The following RASA3 variants were observed in gnomAD, a reference collection of about 807,000 sequenced individuals.
RASA3 encodes RAS p21 protein activator 3.
In RASA3, 73 loss-of-function variants were observed where a neutral mutation model predicts 110.0. The ratio of observed to expected loss-of-function variants is 0.66; its 90% confidence interval spans 0.55 to 0.81. The LOEUF (loss-of-function observed/expected upper bound fraction) is 0.81. RASA3 is among the 30% of genes least tolerant of loss of function. RASA3 has a pLI of 0.00. For missense variants in RASA3, 976 were observed against 1,113.2 expected, an observed-to-expected ratio of 0.88 and a Z score of 1.75; for synonymous variants, 500 against 451.4, an observed-to-expected ratio of 1.11 and a Z score of -1.37.
chr13:114,048,038 G>C lies in RASA3; in HGVS notation c.277+4014C>G, dbSNP rs563215405. Among the ~76,000 whole-genome samples, 3 of 152,222 alleles carry C rather than the reference G, an allele frequency of 2.0e-5. No homozygotes were observed. Among genetic ancestry groups the C allele is most frequent in the Non-Finnish European group, 4.4e-5 (3 of 68,038 alleles). ...TACACAAAGAACGGAGGTCTCGGCC[G>C]GGCGCGGTGGCTCACGCCTGTAATC... On this transcript the variant is annotated intron_variant, in intron 3 of 23. Transcript: ENST00000334062. This position sits in a 1 kb window ranked among gnomAD's most constrained non-coding sequence, Gnocchi z 4.3.
intron 7 of RASA3, among the ~76,000 whole-genome samples, 188 bp downstream of exon 7, chr13:114,027,201 G>A (rs2054041395): frequency 6.6e-6 from 1 of 151,740 alleles, no homozygotes. Context: ...CTCTCCGGAA[G>A]GAACCCAGGG....
chr13:114,077,101 G>C (rs2079697315), intron 1 of RASA3, among the ~76,000 whole-genome samples: 1 of 152,182 alleles, frequency 6.6e-6, no homozygotes, highest in African/African-American at 2.4e-5. Flanking sequence ...TGGTGTTTGT[G>C]GATAATACGG....
intron 1 of RASA3, among the ~76,000 whole-genome samples, chr13:114,098,184 C>T (rs1281395168): frequency 9.9e-5 from 15 of 152,118 alleles, no homozygotes; most frequent in East Asian, 1.9e-4. Context: ...AGGGCTACAG[C>T]GGGCAGCCTG....
chr13:114,118,121 C>T (rs1176987647), intron 1 of RASA3, among the ~76,000 whole-genome samples: 1 of 152,116 alleles, frequency 6.6e-6, no homozygotes, highest in Non-Finnish European at 1.5e-5. Flanking sequence ...CATTATGAGT[C>T]TCATAAATAC....
chr13:114,024,312 A>G lies in RASA3; in HGVS notation c.647T>C (p.Phe216Ser). ...GAGCTTGTCCACGTCTTCCTCCTCA[A>G]AGTCAAAGTGGGACTTCTTGCTGTA... ...CSYSKKSHFD[F>S]EEEDVDKLEI... The change falls in exon 8 of 24, where the codon TTT becomes TCT. Residue 216 changes from phenylalanine to serine, a missense_variant. Phe to Ser is a radical substitution (Grantham distance 155). Around this residue, in one of 4 missense-constraint regions of RASA3, gnomAD observed 732 missense variants for 779.7 expected, o/e 0.94. Coordinates refer to ENST00000334062, the MANE Select transcript of RASA3 (RefSeq NM_007368.4). 1.2e-6 allele frequency: 2 copies of G among 1,613,848 alleles called. No individual in the cohort carries two copies. The highest frequency in any genetic ancestry group is 8.5e-7 in the Non-Finnish European group (1 of 1,179,902).
intron 15 of RASA3, among the ~76,000 whole-genome samples, chr13:114,012,683 C>T (rs550749648): frequency 2.6e-4 from 38 of 145,164 alleles, no homozygotes; most frequent in African/African-American, 5.6e-4. Context: ...ACACTGTCCA[C>T]GCACTCCACA....
At chr13:114,068,611 C>T (rs554412952) in intron 2 of RASA3, among the ~76,000 whole-genome samples, 83 of 152,300 alleles carry the variant, frequency 5.4e-4, no homozygotes, top group East Asian at 1.9e-3. Flanking sequence ...TCGTGGGTGC[C>T]GGCCCAGGGG....
In RASA3 at chr13:114,018,189, C is replaced by T. The variant is rs1036576299; in HGVS notation, c.1006G>A (p.Val336Ile). ...TGTAGGAAGAGCCGCACCAGCGGGA[C>T]GGCCGCCTCCTGCTTCTCCCGGCAA... ...EVCREKQEAA[V>I]PLVRLFLHYG... The change falls in exon 11 of 24, where the codon GTC (valine) becomes ATC (isoleucine). Residue 336 changes from valine to isoleucine, a missense_variant. Val to Ile is a conservative substitution (Grantham distance 29, BLOSUM62 3). Coordinates refer to ENST00000334062, the MANE Select transcript of RASA3 (RefSeq NM_007368.4). 33 of 1,552,346 alleles carry T rather than the reference C, an allele frequency of 2.1e-5. No individual in the cohort carries two copies. The African/African-American group carries it at 2.9e-4, about 14-fold the overall frequency.
Position 114,043,318 on chromosome 13 carries a change from C to T in RASA3, c.278-2224G>A, listed in dbSNP as rs557551098. ...GAGAGACGGAATCAGGACAGTTTGC[C>T]TCCAGTGCTGCTGACACCTGCCATG... On this transcript the variant is annotated intron_variant, in intron 3 of 23. Coordinates refer to ENST00000334062, the MANE Select transcript of RASA3 (RefSeq NM_007368.4). 2.0e-5 allele frequency among the ~76,000 whole-genome samples: 3 copies of T among 152,304 alleles called. No individual in the cohort carries two copies. The East Asian group carries it at 5.8e-4, about 29-fold the overall frequency.
chr13:113,995,659 C>G (rs2053217844), intron 21 of RASA3, among the ~76,000 whole-genome samples: 1 of 124,668 alleles, frequency 8.0e-6, no homozygotes, highest in African/African-American at 3.3e-5. Context: ...GGGGGCCCAG[C>G]TGACGGAGGA....
At position 114,077,965 on chromosome 13, in the gene RASA3, T is replaced by C. The variant is rs547451655; in HGVS notation, c.56-4128A>G. 1.2e-5 allele frequency: 12 copies of C among 982,688 alleles called. No homozygotes were observed. In the East Asian group the frequency reaches 1.3e-3, roughly 103 times the overall value. The allele number at this position is 982,688 out of a possible 1,614,324, so 60.9% of individuals were successfully genotyped here. A position where few individuals can be genotyped will look rare whatever the true frequency, so the allele number is the denominator to read the frequency against. ...TCACCTCCAAGGCACTGGTTTTGTT[T>C]CCAACTGTTAATAAAGCATTGAAAC... On this transcript the variant is annotated intron_variant, in intron 1 of 23. Transcript: ENST00000334062.
intron 4 of RASA3, among the ~76,000 whole-genome samples, chr13:114,037,713 C>T (rs1446527360): frequency 5.3e-5 from 8 of 152,186 alleles, no homozygotes; most frequent in Non-Finnish European, 8.8e-5. Flanking sequence ...GAAAAAATAG[C>T]ATAGAATACA....
At chr13:113,989,488 C>T (rs1467473893) in intron 22 of RASA3, among the ~76,000 whole-genome samples, 2 of 150,206 alleles carry the variant, frequency 1.3e-5, no homozygotes, top group African/African-American at 2.5e-5. Context: ...CCATCACTCA[C>T]CCATGCTTCC....
chr13:114,062,229 T>TA (rs1594407020), intron 2 of RASA3, among the ~76,000 whole-genome samples: 2 of 151,768 alleles, frequency 1.3e-5, no homozygotes, highest in Admixed American at 6.6e-5. Context: ...TTGTTTGCTT[T>TA]AAAAAAAACA....
chr13:114,119,407 C>A (rs1399462004), intron 1 of RASA3, among the ~76,000 whole-genome samples: 1 of 152,160 alleles, frequency 6.6e-6, no homozygotes, highest in Non-Finnish European at 1.5e-5. Flanking sequence ...GTACGGAGGT[C>A]CCGGAGACAA....
intron 2 of RASA3, among the ~76,000 whole-genome samples, chr13:114,069,640 G>A (rs537030452): frequency 3.0e-3 from 44 of 14,612 alleles, no homozygotes; most frequent in Admixed American, 5.1e-3. Context: ...GACTCGGGGA[G>A]CCGGGAGACT....
intron 1 of RASA3, among the ~76,000 whole-genome samples, chr13:114,129,267 T>C (rs2080488808): frequency 6.6e-6 from 1 of 152,206 alleles, no homozygotes; most frequent in Non-Finnish European, 1.5e-5. Context: ...AAAGACACAG[T>C]GTTTAAGATG....
chr13:114,093,745 AT>A (rs916098315), intron 1 of RASA3, among the ~76,000 whole-genome samples: 3 of 146,786 alleles, frequency 2.0e-5, no homozygotes, highest in African/African-American at 5.0e-5. Context: ...ATTTCTTTTC[AT>A]TTTTTTTCTT....
In RASA3 at chr13:114,075,219, C is replaced by T. The variant is rs115747900; in HGVS notation, c.56-1382G>A. ...AGAGTAGAAGTTTCTCAGAACCCCA[C>T]TTCCGCCACTCCGCGCTGAATGTTT... On this transcript the variant is annotated intron_variant, in intron 1 of 23. Coordinates refer to ENST00000334062, the MANE Select transcript of RASA3 (RefSeq NM_007368.4). 5.7e-3 allele frequency among the ~76,000 whole-genome samples: 872 copies of T among 152,310 alleles called. 2 individuals carry two copies. Among genetic ancestry groups the T allele is most frequent in the African/African-American group, 0.017 (696 of 41,568 alleles).
Sources: gnomAD v4.1 joint callset for allele counts (sites outside exome capture counted in the v4.1 genomes callset) on GRCh38, gnomAD v4.1.1 for gene constraint, gnomAD v4.1.1 regional missense constraint, Gnocchi (gnomAD v3.1) non-coding constraint, MANE v1.5 for transcripts, NCBI Gene and HGNC (gene_info 2026-07-23, HGNC 2026-07-21) for gene names.